LRTM1: variants seen among roughly 807,000 people sequenced by gnomAD.
The protein encoded by LRTM1 is leucine rich repeat transmembrane protein 1, also known as leucine-rich repeat and transmembrane domain-containing protein 1.
In LRTM1, 38 loss-of-function variants were observed where a neutral mutation model predicts 32.4. The ratio of observed to expected loss-of-function variants is 1.17; its 90% CI spans 0.91 to 1.54. The LOEUF (loss-of-function observed/expected upper bound fraction) is 1.54, where lower values mean the gene tolerates loss of function less well. Among genes scored for constraint, LRTM1 ranks in the 40% most tolerant of loss-of-function variants. The probability of loss-of-function intolerance (pLI) is 0.00; values close to 1 mark genes in which losing one functional copy is unlikely to be tolerated. For missense variants in LRTM1, 466 were observed against 415.4 expected, an observed-to-expected ratio of 1.12 and a Z score of -1.06; for synonymous variants, 186 against 169.9, an observed-to-expected ratio of 1.09 and a Z score of -0.74.
intron 1 of LRTM1, among the ~76,000 whole-genome samples, chr3:54,936,163 C>CAAA (rs539489771): frequency 2.7e-4 from 34 of 127,994 alleles, no homozygotes; most frequent in African/African-American, 9.0e-4. Context: ...AGAATCATAG[C>CAAA]AAAAAAAAAA....
chr3:54,954,848 G>C (rs9820924), intron 1 of LRTM1, among the ~76,000 whole-genome samples: 2,678 of 152,286 alleles, frequency 0.018, 70 homozygotes, highest in African/African-American at 0.061. Flanking sequence ...TCAGAAAGAA[G>C]AACAACTGGG....
chr3:54,931,562 C>G (rs1322777795), upstream of LRTM1, among the ~76,000 whole-genome samples: 2 of 152,164 alleles, frequency 1.3e-5, no homozygotes, highest in Admixed American at 1.3e-4. Context: ...CAGAGCCACT[C>G]CTTAAAGAGG....
At chr3:54,944,660 A>G (rs1177986224) in intron 1 of LRTM1, among the ~76,000 whole-genome samples, 1 of 151,986 alleles carries the variant, frequency 6.6e-6, no homozygotes, top group African/African-American at 2.4e-5. Context: ...TGACCTCATG[A>G]TCCGCCTGCC....
At chr3:54,929,767 TATCC>T (rs1282626340), upstream of LRTM1, among the ~76,000 whole-genome samples, 2 of 152,180 alleles carry the variant, frequency 1.3e-5, no homozygotes, top group Non-Finnish European at 2.9e-5. Flanking sequence ...CCCTCCTTCC[TATCC>T]ATCTGTTTCA....
At chr3:54,927,821 A>G in intron 1 of LRTM1, 84 bp downstream of exon 1, 1 of 1,427,620 alleles carries the variant, frequency 7.0e-7, no homozygotes. Flanking sequence ...ACTTGAAAAT[A>G]GATTTCCCGC....
intron 1 of LRTM1, among the ~76,000 whole-genome samples, chr3:54,942,061 A>G (rs1372934999): frequency 1.3e-5 from 2 of 152,230 alleles, no homozygotes; most frequent in African/African-American, 4.8e-5. Flanking sequence ...GTCCTCAGTC[A>G]CATAGGAACT....
intron 1 of LRTM1, among the ~76,000 whole-genome samples, chr3:54,945,355 G>T (rs1345101515): frequency 6.6e-6 from 1 of 152,160 alleles, no homozygotes; most frequent in Non-Finnish European, 1.5e-5. Flanking sequence ...GTAGTATCTT[G>T]GCCTCGAAAG....
chr3:54,967,019 C>T (rs1430610440), exon 1 of LRTM1: 2 of 152,164 alleles, frequency 1.3e-5, no homozygotes, highest in Non-Finnish European at 2.9e-5. Flanking sequence ...GGCTGTGGTC[C>T]AGAGAACGAA....
In LRTM1 at chr3:54,960,465, G is replaced by A. The variant is rs1401257461; in HGVS notation, c.-222+6463C>T. On this transcript the variant is annotated intron_variant, in intron 1 of 2. Coordinates refer to the LRTM1 transcript ENST00000493075. Reference sequence around the variant, plus strand: ...CACTTGCACTAGGCTAAAATATGAGGTGTTTCTGCTGCTGTGAGAATTTTT... The same window carrying A: ...CACTTGCACTAGGCTAAAATATGAGATGTTTCTGCTGCTGTGAGAATTTTT... 3.9e-5 allele frequency among the ~76,000 whole-genome samples: 6 copies of A among 152,196 alleles called. No individual in the cohort carries two copies. In the East Asian group the frequency reaches 1.2e-3, roughly 29 times the overall value.
At chr3:54,950,539 T>C (rs1226262825) in intron 1 of LRTM1, among the ~76,000 whole-genome samples, 2 of 152,210 alleles carry the variant, frequency 1.3e-5, no homozygotes, top group African/African-American at 4.8e-5. Flanking sequence ...TTTGCAATGC[T>C]TCCTCCTGTT....
chr3:54,944,782 C>T (rs1289941246), intron 1 of LRTM1, among the ~76,000 whole-genome samples: 1 of 151,810 alleles, frequency 6.6e-6, no homozygotes, highest in Non-Finnish European at 1.5e-5. Flanking sequence ...CTTCTTTTAT[C>T]TCTGAATATA....
At position 54,955,625 on chromosome 3, in the gene LRTM1, A is replaced by G. The variant is rs1701867990; in HGVS notation, c.-222+11303T>C. On this transcript the variant is annotated intron_variant, in intron 1 of 2. Transcript: ENST00000493075. ...TCAAAGCTCCAGTCTTTGGGATATC[A>G]TTCTTTGAGTCCCAACAGAATGTTG... Among the ~76,000 whole-genome samples the G allele has an allele frequency of 2.0e-5, 3 of 152,124 alleles. No individual in the cohort carries two copies. In the South Asian group the frequency reaches 6.2e-4, roughly 32 times the overall value.
chr3:54,963,749 G>A (rs1702084246), intron 1 of LRTM1, among the ~76,000 whole-genome samples: 1 of 152,138 alleles, frequency 6.6e-6, no homozygotes, highest in Non-Finnish European at 1.5e-5. Flanking sequence ...GCCCTCCCCA[G>A]GCCTGTACCC....
At chr3:54,933,051 C>CCCTT (rs60554563), upstream of LRTM1, among the ~76,000 whole-genome samples, 1,399 of 139,376 alleles carry the variant, frequency 0.01, 17 homozygotes, top group South Asian at 0.03. Context: ...ATCCATCCCT[C>CCCTT]CCTTCCTTCC....
chr3:54,944,305 A>G (rs1701552952), intron 1 of LRTM1, among the ~76,000 whole-genome samples: 1 of 151,718 alleles, frequency 6.6e-6, no homozygotes, highest in South Asian at 2.1e-4. Flanking sequence ...TTTTTGTTTT[A>G]TTATCTGCCA....
At chr3:54,943,734 T>C (rs1701537752) in intron 1 of LRTM1, among the ~76,000 whole-genome samples, 1 of 152,166 alleles carries the variant, frequency 6.6e-6, no homozygotes, top group South Asian at 2.1e-4. Context: ...CATCTTGCTT[T>C]GGTGAGATCT....
chr3:54,919,984 T>A (rs1250926538), intron 2 of LRTM1, among the ~76,000 whole-genome samples: 1 of 152,126 alleles, frequency 6.6e-6, no homozygotes, highest in African/African-American at 2.4e-5. Flanking sequence ...CACTGTCTGC[T>A]AGGAAGCCTT....
upstream of LRTM1, among the ~76,000 whole-genome samples, chr3:54,929,948 C>T (rs76660828): frequency 0.036 from 5,526 of 152,208 alleles, 302 homozygotes; most frequent in African/African-American, 0.12. Context: ...CTCATATCTA[C>T]CTGTGTGCCT....
intron 2 of LRTM1, among the ~76,000 whole-genome samples, chr3:54,919,165 A>G (rs1700761418): frequency 1.3e-5 from 2 of 152,208 alleles, no homozygotes; most frequent in African/African-American, 4.8e-5. Flanking sequence ...ATGCTCAGAG[A>G]AAACAATGCA....
Sources: gnomAD v4.1 joint callset for allele counts (sites outside exome capture counted in the v4.1 genomes callset) on GRCh38, gnomAD v4.1.1 for gene constraint, MANE v1.5 for transcripts, NCBI Gene and HGNC (gene_info 2026-07-23, HGNC 2026-07-21) for gene names.